AFAP1: variants seen among roughly 807,000 people sequenced by gnomAD.
The protein encoded by AFAP1 is actin filament-associated protein 1.
In AFAP1, 75 loss-of-function variants were observed where a neutral mutation model predicts 93.9. The observed-to-expected ratio is 0.80, with a 90% CI of 0.66 to 0.97. The LOEUF (loss-of-function observed/expected upper bound fraction) is 0.97. AFAP1 is among the 50% of genes least tolerant of loss of function. The pLI, the probability that AFAP1 is intolerant of heterozygous loss-of-function variation, is 0.00. For synonymous variants in AFAP1, 517 were observed against 430.7 expected (o/e 1.20, Z -2.48); for missense variants, 1,201 against 1,050.8 (o/e 1.14, Z -1.98).
chr4:7,781,666 C>G (rs186329497), intron 12 of AFAP1, 39 bp from the exon 13 acceptor site: 3 of 1,544,930 alleles, frequency 1.9e-6, no homozygotes. Context: ...GACTTGGACA[C>G]AGGAAACAGC....
intron 3 of AFAP1, among the ~76,000 whole-genome samples, chr4:7,859,828 T>C (rs546742866): frequency 6.6e-6 from 1 of 152,152 alleles, no homozygotes; most frequent in Non-Finnish European, 1.5e-5. Context: ...TATCTGTCTT[T>C]GCTACTTTAA....
At chr4:7,913,816 G>C (rs1026418549) in intron 1 of AFAP1, among the ~76,000 whole-genome samples, 2 of 152,086 alleles carry the variant, frequency 1.3e-5, no homozygotes, top group African/African-American at 4.8e-5. Flanking sequence ...TAAATGCCTA[G>C]GGTCTATATC....
chr4:7,860,312 TGTGCATTATGTACTTACTGCTTGAGC>T (rs1198299555), intron 3 of AFAP1, among the ~76,000 whole-genome samples: 2 of 152,120 alleles, frequency 1.3e-5, no homozygotes. Flanking sequence ...ATTTGGAATA[TGTGCATTATGTACTTACTGCTTGAGC>T]ATCCCAAATC....
At chr4:7,852,227 C>T (rs1220164814) in intron 4 of AFAP1, among the ~76,000 whole-genome samples, 8 of 152,110 alleles carry the variant, frequency 5.3e-5, no homozygotes, top group African/African-American at 1.7e-4. Flanking sequence ...AGGGGTGAAA[C>T]GAGAGGAGCC....
At chr4:7,864,080 T>G (rs113881313) in intron 3 of AFAP1, among the ~76,000 whole-genome samples, 5 of 72,920 alleles carry the variant, frequency 6.9e-5, no homozygotes, top group South Asian at 6.4e-4. Context: ...CATTCCCAAC[T>G]TCCCATCACA....
Position 7,759,083 on chromosome 4 carries a change from GA to G in AFAP1, c.*4681del, listed in dbSNP as rs1713409680. ...AAGGAAATAATTACATTCTTAATAT[GA>G]AAACATTTTACAACGTATCACCATG... On this transcript the variant is annotated 3_prime_UTR_variant, in exon 18 of 18. Transcript: ENST00000420658. 1 of 152,570 alleles carries G rather than the reference GA, an allele frequency of 6.6e-6. No homozygotes were observed. Among genetic ancestry groups the G allele is most frequent in the Non-Finnish European group, 1.5e-5 (1 of 68,026 alleles). The allele number at this position is 152,570 out of a possible 1,614,324, so 9.5% of individuals were successfully genotyped here.
At chr4:7,904,956 G>C (rs1486069655) in intron 1 of AFAP1, among the ~76,000 whole-genome samples, 1 of 152,156 alleles carries the variant, frequency 6.6e-6, no homozygotes, top group East Asian at 1.9e-4. Flanking sequence ...GATCCTCCCA[G>C]CTCGGCCTCC....
rs371206513 is a variant in AFAP1 at position 7,882,741 on chromosome 4, C to T, written c.-2-10661G>A. Among the ~76,000 whole-genome samples the T allele has an allele frequency of 8.5e-5, 13 of 152,280 alleles. No individual in the cohort carries two copies. The South Asian group carries it at 2.5e-3, about 29-fold the overall frequency. ...GGGCGTGGTGGCACGTGCTTGTAATCCCAGCTACTCAGGAGGCTGAGGCAG... is the reference window on the plus strand; with the variant it reads ...GGGCGTGGTGGCACGTGCTTGTAATTCCAGCTACTCAGGAGGCTGAGGCAG... On this transcript the variant is annotated intron_variant, in intron 1 of 17. Transcript: ENST00000420658.
intron 3 of AFAP1, among the ~76,000 whole-genome samples, chr4:7,863,121 C>G (rs7376703): frequency 0.91 from 138,277 of 152,304 alleles, 63,354 homozygotes; most frequent in Non-Finnish European, 0.95. Flanking sequence ...ACAAAGAGAA[C>G]AATCTTTTGA....
At position 7,763,829 on chromosome 4, in the gene AFAP1, G is replaced by C. The variant is rs373273985; in HGVS notation, c.2419-38C>G. 6.4e-6 allele frequency: 10 copies of C among 1,550,922 alleles called. No homozygotes were observed. The South Asian group carries it at 1.1e-4, about 17-fold the overall frequency. On this transcript the variant is annotated intron_variant, in intron 17 of 17. Transcript: ENST00000420658. ...AGAGTCTTGTAAGTGGACAGGGCAAGAGGATCAGGCTGGGACAAGCCACGC... is the reference window on the plus strand; with the variant it reads ...AGAGTCTTGTAAGTGGACAGGGCAACAGGATCAGGCTGGGACAAGCCACGC...
intron 1 of AFAP1, among the ~76,000 whole-genome samples, chr4:7,911,768 C>A (rs1334543975): frequency 1.3e-5 from 2 of 152,192 alleles, no homozygotes; most frequent in African/African-American, 4.8e-5. Flanking sequence ...TATTAAAATG[C>A]AGACAGCAAA....
At chr4:7,790,808 C>G (rs1376052556) in intron 11 of AFAP1, among the ~76,000 whole-genome samples, 2 of 152,114 alleles carry the variant, frequency 1.3e-5, no homozygotes, top group African/African-American at 4.8e-5. Context: ...CTACATCTAT[C>G]CTGATTTCCA....
intron 1 of AFAP1, among the ~76,000 whole-genome samples, chr4:7,929,842 C>T (rs1720965410): frequency 6.6e-6 from 1 of 152,204 alleles, no homozygotes; most frequent in Admixed American, 6.5e-5. Flanking sequence ...ACAGCCCCTG[C>T]CCTGCCAATC....
chr4:7,888,783 GT>G (rs35979300), intron 1 of AFAP1, among the ~76,000 whole-genome samples: 21 of 148,834 alleles, frequency 1.4e-4, no homozygotes, highest in Admixed American at 6.0e-4. Context: ...ATTGTTAACA[GT>G]TTTTTTTTGT....
chr4:7,838,535 G>A lies in AFAP1; in HGVS notation c.715C>T (p.Gln239Ter). 6.2e-7 allele frequency: 1 copy of A among 1,613,618 alleles called. No homozygotes were observed. Among genetic ancestry groups the A allele is most frequent in the Non-Finnish European group, 8.5e-7 (1 of 1,179,752 alleles). The change falls in exon 6 of 18, where the codon CAG (glutamine) becomes TAG (stop). Residue 239 changes from glutamine to a stop codon, truncating the protein, a stop_gained. Coordinates refer to ENST00000420658, the MANE Select transcript of AFAP1 (RefSeq NM_001134647.2). LOFTEE classifies it high-confidence loss of function. ...LAVQSKEQAE[Q>*]WLKVIKEAYS... ...AGCAGACAACCTACCTTCAGCCACTGCTCGGCCTGTTCCTTGCTCTGGACG... is the reference window on the plus strand; with the variant it reads ...AGCAGACAACCTACCTTCAGCCACTACTCGGCCTGTTCCTTGCTCTGGACG...
At chr4:7,778,341 C>T (rs931479003) in intron 14 of AFAP1, 2 of 266,774 alleles carry the variant, frequency 7.5e-6, no homozygotes, top group African/African-American at 4.6e-5. Flanking sequence ...CTCAGCTATT[C>T]CAACCGCACC....
intron 1 of AFAP1, among the ~76,000 whole-genome samples, chr4:7,922,629 T>G (rs559011332): frequency 6.6e-6 from 1 of 152,266 alleles, no homozygotes; most frequent in South Asian, 2.1e-4. Flanking sequence ...AACTTGCATA[T>G]CATGCCCAGA....
intron 6 of AFAP1, among the ~76,000 whole-genome samples, chr4:7,837,663 C>G (rs1387088496): frequency 6.6e-6 from 1 of 151,996 alleles, no homozygotes; most frequent in African/African-American, 2.4e-5. Context: ...TTAGAAGCAG[C>G]CAAAGACAGA....
At chr4:7,777,108 G>C (rs755519976) in intron 14 of AFAP1, 7 of 152,200 alleles carry the variant, frequency 4.6e-5, no homozygotes, top group Non-Finnish European at 8.8e-5. Flanking sequence ...TGGCGATTGA[G>C]ACTCCGTGGG....
Sources: allele counts gnomAD v4.1 joint callset (sites outside exome capture counted in the v4.1 genomes callset), GRCh38; gene constraint gnomAD v4.1.1; transcripts MANE v1.5; gene names NCBI Gene and HGNC (gene_info 2026-07-23, HGNC 2026-07-21).